ACAD9: variants seen among roughly 807,000 people sequenced by gnomAD.
ACAD9 encodes the protein complex I assembly factor ACAD9, mitochondrial.
Under a neutral mutation model 70.2 loss-of-function variants are expected in ACAD9, and 53 were observed. That is an observed-to-expected ratio of 0.75 (90% CI 0.61 to 0.95). The LOEUF (loss-of-function observed/expected upper bound fraction) is 0.95, where lower values mean the gene tolerates loss of function less well. Ranked by LOEUF, ACAD9 falls within the 40% of genes least tolerant of loss-of-function variation. The pLI is 0.00. For missense variants in ACAD9, 777 were observed against 802.8 expected (o/e 0.97, Z 0.39); for synonymous variants, 313 against 312.1 (o/e 1.00, Z -0.03).
chr3:128,892,908 A>G (rs1022379573), intron 2 of ACAD9, among the ~76,000 whole-genome samples: 2 of 152,216 alleles, frequency 1.3e-5, no homozygotes, highest in African/African-American at 2.4e-5. Flanking sequence ...AGGAGGAGGA[A>G]AAACATGAAG....
Position 128,895,428 on chromosome 3 carries a change from G to T in ACAD9, c.453+12G>T. The T allele has an allele frequency of 6.3e-7, 1 of 1,593,536 alleles. No homozygotes were observed. On this transcript the variant is annotated intron_variant, in intron 4 of 17. Transcript: ENST00000308982. ...CTATTGGCCTCAAGGTCAGGTATCTGGGGATTCTGTGTGGTGCTCTCTGTA... is the reference window on the plus strand; with the variant it reads ...CTATTGGCCTCAAGGTCAGGTATCTTGGGATTCTGTGTGGTGCTCTCTGTA...
At chr3:128,892,958 A>G (rs1469112616) in intron 2 of ACAD9, among the ~76,000 whole-genome samples, 2 of 152,224 alleles carry the variant, frequency 1.3e-5, no homozygotes, top group Non-Finnish European at 2.9e-5. Flanking sequence ...CCATGAATGT[A>G]TATAATTTGC....
intron 5 of ACAD9, among the ~76,000 whole-genome samples, chr3:128,896,743 G>A (rs1329356922): frequency 2.0e-5 from 3 of 152,116 alleles, no homozygotes; most frequent in South Asian, 2.1e-4. Context: ...GAGATACCAC[G>A]CTTGACAGCA....
At chr3:128,910,943 G>A in intron 17 of ACAD9, 130 bp downstream of exon 17, 1 of 1,058,318 alleles carries the variant, frequency 9.4e-7, no homozygotes, top group South Asian at 1.3e-5. Context: ...CTTGAGCGAG[G>A]GCCTGGGTAG....
chr3:128,895,554 C>A, intron 4 of ACAD9, 138 bp downstream of exon 4: 1 of 783,530 alleles, frequency 1.3e-6, no homozygotes, highest in Non-Finnish European at 2.2e-6. Flanking sequence ...TTCCCTCACT[C>A]TGGCCACACC....
At chr3:128,889,579 C>A (rs1458679265) in intron 2 of ACAD9, among the ~76,000 whole-genome samples, 1 of 152,160 alleles carries the variant, frequency 6.6e-6, no homozygotes, top group Non-Finnish European at 1.5e-5. Context: ...TTTTCTCTCA[C>A]TATAGATTAG....
chr3:128,912,527 G>A lies in ACAD9; in HGVS notation c.1786G>A (p.Glu596Lys), dbSNP rs1484341169. The change falls in exon 18 of 18, where the codon GAG (glutamate) becomes AAG (lysine). Residue 596 changes from glutamate (E) to lysine (K), a missense_variant. Transcript: ENST00000308982. ...LDKYAPENLD[E>K]QIKKVSQQIL... The stretch of plus-strand genomic sequence containing the variant: ...CCCAGATGCTCCAGAAAACCTAGAT[G>A]AGCAGATTAAGAAAGTGTCCCAGCA... 2.5e-6 allele frequency: 4 copies of A among 1,613,646 alleles called. No homozygotes were observed. The highest frequency in any genetic ancestry group is 2.2e-5 in the East Asian group (1 of 44,870).
intron 2 of ACAD9, among the ~76,000 whole-genome samples, chr3:128,892,430 T>A (rs897351567): frequency 1.5e-4 from 23 of 152,296 alleles, no homozygotes; most frequent in African/African-American, 5.1e-4. Context: ...TGAAGTTTAA[T>A]TAGCAATTCA....
rs1935668528 is a variant in ACAD9 at position 128,899,467 on chromosome 3, T to C, written c.808+6T>C. 1 of 1,613,736 alleles carries C rather than the reference T, an allele frequency of 6.2e-7. No homozygotes were observed. The highest frequency in any genetic ancestry group is 8.5e-7 in the Non-Finnish European group (1 of 1,179,884). ...AGGCATTCGGGGCTCCAACAGTAAG[T>C]AGCTCCTGTGCGCGCGTGCGCGTGT... On this transcript the variant is annotated splice_donor_region_variant and intron_variant, in intron 7 of 17. Transcript: ENST00000308982.
In ACAD9 at chr3:128,912,491, T is replaced by C; in HGVS notation, c.1766-16T>C. On this transcript the variant is annotated splice_polypyrimidine_tract_variant and intron_variant, in intron 17 of 17. Transcript: ENST00000308982. ...GTGCAGAAAGATCACCCACCATCTCTCCTTTTCCTTCCCAGATGCTCCAGA... is the reference window on the plus strand; with the variant it reads ...GTGCAGAAAGATCACCCACCATCTCCCCTTTTCCTTCCCAGATGCTCCAGA... 5 of 1,609,042 alleles carry C rather than the reference T, an allele frequency of 3.1e-6. No individual in the cohort carries two copies. Among genetic ancestry groups the C allele is most frequent in the Non-Finnish European group, 4.3e-6 (5 of 1,175,522 alleles).
intron 3 of ACAD9, among the ~76,000 whole-genome samples, chr3:128,894,378 G>T (rs1185505787): frequency 6.6e-6 from 1 of 152,150 alleles, no homozygotes; most frequent in Non-Finnish European, 1.5e-5. Context: ...ACCTACAGCT[G>T]TGATGGAAGA....
chr3:128,893,737 G>A (rs960426852), intron 3 of ACAD9, 81 bp downstream of exon 3: 17 of 1,204,448 alleles, frequency 1.4e-5, no homozygotes, highest in Non-Finnish European at 2.1e-5. Flanking sequence ...TCTAGTTGCT[G>A]GAATAGATGA....
At chr3:128,908,139 T>C in intron 12 of ACAD9, 46 bp from the exon 13 acceptor site, 1 of 1,595,494 alleles carries the variant, frequency 6.3e-7, no homozygotes, top group South Asian at 1.1e-5. Context: ...CTACCATGGC[T>C]GCCTGGCCGG....
intron 2 of ACAD9, among the ~76,000 whole-genome samples, chr3:128,886,015 TA>T (rs1418343660): frequency 9.0e-4 from 126 of 140,650 alleles, no homozygotes; most frequent in Admixed American, 1.1e-3. Flanking sequence ...TGACTTTGTC[TA>T]AAAAAAAAAA....
intron 2 of ACAD9, 124 bp downstream of exon 2, chr3:128,884,870 A>G: frequency 1.2e-6 from 1 of 822,336 alleles, no homozygotes; most frequent in East Asian, 2.6e-5. Context: ...CACTCATAAT[A>G]TTTTGCTTTA....
In ACAD9 at chr3:128,900,331, G is replaced by A. The variant is rs551824921; in HGVS notation, c.808+870G>A. ...TGGCTCACTGCAAGCTCCGCCTCCC[G>A]GGTTCACGCCATTCTCCTGCCTCAG... On this transcript the variant is annotated intron_variant, in intron 7 of 17. Transcript: ENST00000308982. Among the ~76,000 whole-genome samples, 45 of 152,150 alleles carry A rather than the reference G, an allele frequency of 3.0e-4. No homozygotes were observed. In the East Asian group the frequency reaches 5.0e-3, roughly 17 times the overall value.
At chr3:128,880,167 T>C in intron 1 of ACAD9, 1 of 602,910 alleles carries the variant, frequency 1.7e-6, no homozygotes, top group Non-Finnish European at 2.6e-6. Context: ...TGTGCGGGGC[T>C]TCCTCTCTGA....
chr3:128,908,914 G>T, intron 13 of ACAD9, 59 bp from the exon 14 acceptor site: 1 of 1,613,302 alleles, frequency 6.2e-7, no homozygotes, highest in South Asian at 1.1e-5. Flanking sequence ...GGGCCATGTT[G>T]CTGGACAGTG....
chr3:128,901,873 C>T (rs1422232315), intron 8 of ACAD9, among the ~76,000 whole-genome samples: 3 of 152,160 alleles, frequency 2.0e-5, no homozygotes, highest in Admixed American at 6.5e-5. Flanking sequence ...TGACCCTTAC[C>T]CCATCCCTTG....
Sources: allele counts gnomAD v4.1 joint callset (sites outside exome capture counted in the v4.1 genomes callset), GRCh38; gene constraint gnomAD v4.1.1; transcripts MANE v1.5; gene names NCBI Gene and HGNC (gene_info 2026-07-23, HGNC 2026-07-21).